Variants in EEA1 observed in about 807,000 individuals in gnomAD.
The protein encoded by EEA1 is early endosome antigen 1, also known as early endosome antigen 1, 162kD.
Under a neutral mutation model 209.2 loss-of-function variants are expected in EEA1, and 111 were observed. That is an observed-to-expected ratio of 0.53 (90% CI 0.45 to 0.62). The LOEUF is 0.62. Among genes scored for constraint, EEA1 ranks in the 20% least tolerant of loss-of-function variants. EEA1 has a pLI of 0.00. For missense variants in EEA1, 1,343 were observed against 1,530.8 expected (o/e 0.88, Z 2.05); for synonymous variants, 536 against 540.6 (o/e 0.99, Z 0.12).
At chr12:92,870,588 T>G (rs1248429755) in intron 2 of EEA1, among the ~76,000 whole-genome samples, 1 of 152,138 alleles carries the variant, frequency 6.6e-6, no homozygotes, top group Non-Finnish European at 1.5e-5. Flanking sequence ...ATTGAGACAG[T>G]CTGAGATTCA....
chr12:92,791,676 G>A (rs1333029278), intron 21 of EEA1, among the ~76,000 whole-genome samples: 1 of 152,118 alleles, frequency 6.6e-6, no homozygotes, highest in African/African-American at 2.4e-5. Context: ...ATAATAATGG[G>A]AGACTTTAAC....
In EEA1 at chr12:92,793,082, C is replaced by T. The variant is rs561079384; in HGVS notation, c.2968-5033G>A. On this transcript the variant is annotated intron_variant, in intron 21 of 28. Coordinates refer to ENST00000322349, the MANE Select transcript of EEA1 (RefSeq NM_003566.4). Reference sequence around the variant, plus strand: ...AAAGGCCCTCGACAAAATTCAACAGCCTTCATGCTAAAAACTCTCAACAAA... The same window carrying T: ...AAAGGCCCTCGACAAAATTCAACAGTCTTCATGCTAAAAACTCTCAACAAA... Among the ~76,000 whole-genome samples the T allele has an allele frequency of 2.6e-5, 4 of 152,206 alleles. No individual in the cohort carries two copies. The South Asian group carries it at 8.3e-4, about 32-fold the overall frequency.
In EEA1 at chr12:92,832,656, T is replaced by C. The variant is rs773956090; in HGVS notation, c.1110A>G (p.Lys370=). 1 of 1,613,970 alleles carries C rather than the reference T, an allele frequency of 6.2e-7. No homozygotes were observed. Among genetic ancestry groups the C allele is most frequent in the Non-Finnish European group, 8.5e-7 (1 of 1,179,960 alleles). ...LHRIHVELSE[K]GEATQKLKEE... ...CTTTGAGCTTTTGAGTAGCTTCTCC[T>C]TTTTCACTTAGTTCTACATGTATTC... is the stretch of plus-strand genomic sequence containing the variant. Residue 370 remains lysine, a synonymous_variant, in exon 11 of 29, where the codon AAA becomes AAG. Transcript: ENST00000322349.
At chr12:92,859,419 AT>A (rs1288987376) in intron 3 of EEA1, 10 of 606,032 alleles carry the variant, frequency 1.7e-5, no homozygotes, top group Non-Finnish European at 3.0e-5. Flanking sequence ...AATGACATGA[AT>A]TTTAGCTTTT....
intron 1 of EEA1, among the ~76,000 whole-genome samples, chr12:92,907,047 G>A (rs73364452): frequency 0.017 from 2,587 of 151,738 alleles, 32 homozygotes; most frequent in East Asian, 0.04. Flanking sequence ...AGCTAAAAAC[G>A]TAACATATAG....
intron 18 of EEA1, 50 bp from the exon 19 acceptor site, chr12:92,802,784 C>T (rs1207250459): frequency 1.5e-6 from 2 of 1,351,128 alleles, no homozygotes; most frequent in East Asian, 2.7e-5. Context: ...TTTACCACTT[C>T]TAATTTACCA....
Position 92,802,732 on chromosome 12 carries a change from A to G in EEA1, c.2342T>C (p.Val781Ala), listed in dbSNP as rs777437588. Residue 781 changes from valine to alanine, a missense_variant and splice_region_variant, in exon 19 of 29, where the codon GTA becomes GCA. Around this residue, in one of 3 missense-constraint regions of EEA1, gnomAD observed 1,307 missense variants for 1,465.5 expected, o/e 0.89. Transcript: ENST00000322349. ...SKQLEMEKEI[V>A]SSTRLDLQKK... ...CTGTAGATCCAATCTTGTACTGGAT[A>G]CTCTAAATATTTAAAAAACAATCTT... The G allele has an allele frequency of 6.5e-6, 10 of 1,542,912 alleles. No homozygotes were observed. The South Asian group carries it at 1.3e-4, about 20-fold the overall frequency.
chr12:92,834,986 T>C (rs1876847867), intron 10 of EEA1, among the ~76,000 whole-genome samples: 1 of 152,046 alleles, frequency 6.6e-6, no homozygotes, highest in Non-Finnish European at 1.5e-5. Context: ...GTTCACGCCA[T>C]TCTCCTGCCT....
At chr12:92,862,191 A>G (rs545532076) in intron 3 of EEA1, among the ~76,000 whole-genome samples, 1 of 149,508 alleles carries the variant, frequency 6.7e-6, no homozygotes, top group East Asian at 2.0e-4. Flanking sequence ...GAAAATGGGA[A>G]GAAGAGATAC....
At chr12:92,776,203 A>G (rs1267536384) in intron 28 of EEA1, 70 bp from the exon 29 acceptor site, 41 of 1,442,138 alleles carry the variant, frequency 2.8e-5, no homozygotes, top group Non-Finnish European at 3.7e-5. Context: ...AACTACATGA[A>G]TACCACCAAC....
At position 92,778,128 on chromosome 12, in the gene EEA1, C is replaced by G; in HGVS notation, c.3706G>C (p.Glu1236Gln). 1 of 1,613,130 alleles carries G rather than the reference C, an allele frequency of 6.2e-7. No individual in the cohort carries two copies. Among genetic ancestry groups the G allele is most frequent in the Middle Eastern group, 1.7e-4 (1 of 6,056 alleles). The change falls in exon 26 of 29, where the codon GAG (glutamate) becomes CAG (glutamine). Residue 1236 changes from glutamate to glutamine, a missense_variant. Glu to Gln is a conservative substitution (Grantham distance 29, BLOSUM62 2). This residue lies in a region of EEA1 where 1,307 missense variants were observed against 1,465.5 expected (regional missense o/e 0.89). Transcript: ENST00000322349. ...GTAATCTGCATGGTAAGTTTAGCCTCATTTTCTTCATGCTTCTTCATTCCT... is the reference window on the plus strand; with the variant it reads ...GTAATCTGCATGGTAAGTTTAGCCTGATTTTCTTCATGCTTCTTCATTCCT... ...EVGMKKHEEN[E>Q]AKLTMQITAL...
Position 92,839,699 on chromosome 12 carries a change from T to C in EEA1, c.915+2766A>G, listed in dbSNP as rs140827536. On this transcript the variant is annotated intron_variant, in intron 10 of 28. Transcript: ENST00000322349. ...AATGAGTTAATGTTTTTTAAATAAATTAATATTTTTAAATTACTTTTAAAT... is the reference window on the plus strand; with the variant it reads ...AATGAGTTAATGTTTTTTAAATAAACTAATATTTTTAAATTACTTTTAAAT... 3.9e-4 allele frequency among the ~76,000 whole-genome samples: 59 copies of C among 151,306 alleles called. 1 individual carries two copies. The East Asian group carries it at 0.011, about 29-fold the overall frequency.
intron 1 of EEA1, among the ~76,000 whole-genome samples, chr12:92,909,847 C>T (rs748833273): frequency 3.6e-4 from 54 of 151,618 alleles, no homozygotes; most frequent in Non-Finnish European, 7.4e-4. Context: ...TGAGACCCCG[C>T]CTTAATAAAT....
intron 3 of EEA1, among the ~76,000 whole-genome samples, chr12:92,860,016 C>T (rs1409551679): frequency 2.6e-5 from 4 of 152,220 alleles, no homozygotes; most frequent in Admixed American, 6.5e-5. Context: ...CTGGTGCTTA[C>T]GCTCTTAATT....
chr12:92,831,262 T>C (rs1876615454), intron 11 of EEA1, among the ~76,000 whole-genome samples: 1 of 151,932 alleles, frequency 6.6e-6, no homozygotes, highest in Non-Finnish European at 1.5e-5. Flanking sequence ...AATTTCCATT[T>C]TCAACCAATT....
chr12:92,875,637 T>C (rs2136735764), intron 2 of EEA1, among the ~76,000 whole-genome samples: 2 of 152,274 alleles, frequency 1.3e-5, no homozygotes, highest in African/African-American at 4.8e-5. Context: ...AGCTAGAGTG[T>C]ATCCCATAAA....
intron 1 of EEA1, among the ~76,000 whole-genome samples, chr12:92,916,202 T>C (rs537143557): frequency 1.9e-4 from 29 of 152,252 alleles, no homozygotes; most frequent in African/African-American, 7.0e-4. Flanking sequence ...TACAAAAACA[T>C]ACCAAAATAA....
intron 1 of EEA1, among the ~76,000 whole-genome samples, chr12:92,899,468 A>G (rs1209052496): frequency 6.6e-6 from 1 of 152,234 alleles, no homozygotes; most frequent in African/African-American, 2.4e-5. Context: ...AGACAAGCAG[A>G]CAAAGCTTGT....
chr12:92,819,478 C>A lies in EEA1; in HGVS notation c.1558G>T (p.Asp520Tyr). 1 of 1,607,028 alleles carries A rather than the reference C, an allele frequency of 6.2e-7. No individual in the cohort carries two copies. Among genetic ancestry groups the A allele is most frequent in the Non-Finnish European group, 8.5e-7 (1 of 1,177,316 alleles). The change falls in exon 14 of 29, where the codon GAT becomes TAT. Residue 520 changes from aspartate (D) to tyrosine (Y), a missense_variant. Physicochemically the swap from Asp to Tyr is radical, Grantham distance 160 (BLOSUM62 -3). This residue lies in a region of EEA1 where 1,307 missense variants were observed against 1,465.5 expected (regional missense o/e 0.89). Transcript: ENST00000322349. ...DLEQVLRQIG[D>Y]KDQKIQNLEA... ...AGGTTCTGGATCTTTTGGTCCTTAT[C>A]GCCAATTTGACGTAGAACTTGTTCC...
Sources: allele counts gnomAD v4.1 joint callset (sites outside exome capture counted in the v4.1 genomes callset), GRCh38; gene constraint gnomAD v4.1.1; regional missense constraint gnomAD v4.1.1; transcripts MANE v1.5; gene names NCBI Gene and HGNC (gene_info 2026-07-23, HGNC 2026-07-21).